MED13L: variants seen among roughly 807,000 people sequenced by gnomAD.
MED13L encodes mediator of RNA polymerase II transcription subunit 13-like.
In MED13L, 7 loss-of-function variants were observed where a neutral mutation model predicts 220.9. The observed-to-expected ratio is 0.03, with a 90% CI of 0.02 to 0.06. The LOEUF is 0.06. MED13L is among the 10% of genes least tolerant of loss of function. The pLI is 1.00. For missense variants in MED13L, 1,965 were observed against 2,760.5 expected (o/e 0.71, Z 6.46); for synonymous variants, 1,011 against 1,015.2 (o/e 1.00, Z 0.08).
intron 2 of MED13L, among the ~76,000 whole-genome samples, chr12:116,178,409 T>C (rs964184930): frequency 1.3e-5 from 2 of 152,190 alleles, no homozygotes; most frequent in Non-Finnish European, 2.9e-5. Context: ...CTTCTTTGAA[T>C]TGAACTGCAA....
chr12:116,260,349 G>A (rs1003777250), intron 1 of MED13L, among the ~76,000 whole-genome samples: 1 of 152,154 alleles, frequency 6.6e-6, no homozygotes, highest in African/African-American at 2.4e-5. Context: ...GTTCTGAAGC[G>A]CATATGTCCA....
chr12:116,249,498 G>GA (rs1871334116), intron 1 of MED13L, among the ~76,000 whole-genome samples: 1 of 151,938 alleles, frequency 6.6e-6, no homozygotes, highest in Non-Finnish European at 1.5e-5. Flanking sequence ...TGGGACTCAT[G>GA]ACTGTAAGAA....
intron 2 of MED13L, among the ~76,000 whole-genome samples, chr12:116,156,460 G>A (rs1485486502): frequency 6.6e-6 from 1 of 150,892 alleles, no homozygotes; most frequent in Non-Finnish European, 1.5e-5. Context: ...TACATCTGAT[G>A]GGGAGGCAGG....
intron 2 of MED13L, among the ~76,000 whole-genome samples, chr12:116,223,784 A>C (rs558900118): frequency 6.2e-4 from 95 of 152,310 alleles, no homozygotes; most frequent in Non-Finnish European, 1.0e-3. Flanking sequence ...GTTAAAAAAG[A>C]ATTCAATGCA....
intron 2 of MED13L, among the ~76,000 whole-genome samples, chr12:116,124,146 G>GAGAGAC (rs1304238127): frequency 4.7e-5 from 7 of 148,170 alleles, no homozygotes; most frequent in African/African-American, 7.5e-5. Flanking sequence ...GAGAGAGAGA[G>GAGAGAC]AGAGACAGAG....
chr12:116,217,109 A>G (rs1331865966), intron 2 of MED13L, among the ~76,000 whole-genome samples: 2 of 152,148 alleles, frequency 1.3e-5, no homozygotes, highest in South Asian at 4.1e-4. Context: ...CCCTAACCCA[A>G]TTGTGCTGGG....
At chr12:116,178,014 C>T (rs946278496) in intron 2 of MED13L, among the ~76,000 whole-genome samples, 2 of 152,032 alleles carry the variant, frequency 1.3e-5, no homozygotes, top group African/African-American at 2.4e-5. Context: ...CATCCCAATA[C>T]CCCGCTTTTT....
intron 9 of MED13L, among the ~76,000 whole-genome samples, chr12:116,009,612 A>G (rs1476228601): frequency 6.6e-6 from 1 of 152,218 alleles, no homozygotes; most frequent in Non-Finnish European, 1.5e-5. Context: ...ACTCTGCCTC[A>G]AAGTGTGGAA....
intron 4 of MED13L, among the ~76,000 whole-genome samples, chr12:116,077,828 C>T (rs763392842): frequency 2.0e-5 from 3 of 152,168 alleles, no homozygotes; most frequent in Non-Finnish European, 4.4e-5. Flanking sequence ...GAAAGGAAAA[C>T]ATTTTTTAGG....
At chr12:116,237,315 A>G (rs578001790) in intron 2 of MED13L, among the ~76,000 whole-genome samples, 153 bp downstream of exon 2, 1 of 152,312 alleles carries the variant, frequency 6.6e-6, no homozygotes, top group South Asian at 2.1e-4. Flanking sequence ...CAGGGATGGG[A>G]GGAAGAGGGG....
chr12:116,136,431 A>T lies in MED13L; in HGVS notation c.311-24919T>A, dbSNP rs148903810. On this transcript the variant is annotated intron_variant, in intron 2 of 30. Transcript: ENST00000281928. ...AATGAGAAGAGAACACAGACCAAAAAATAAGTGTGTATGTGTGTGTGTATG... is the reference window on the plus strand; with the variant it reads ...AATGAGAAGAGAACACAGACCAAAATATAAGTGTGTATGTGTGTGTGTATG... Among the ~76,000 whole-genome samples the T allele has an allele frequency of 5.3e-4, 81 of 152,282 alleles. 1 individual carries two copies. Among genetic ancestry groups the T allele is most frequent in the African/African-American group, 1.9e-3 (78 of 41,544 alleles).
chr12:116,185,655 TTTCTTTTCTTTTCTTTTCTTTTCTTTTC>T (rs1565918127), intron 2 of MED13L, among the ~76,000 whole-genome samples: 1 of 1,118 alleles, frequency 8.9e-4, no homozygotes, highest in Non-Finnish European at 1.9e-3. Flanking sequence ...ATCACATGCT[TTTCTTTTCTTTTCTTTTCTTTTCTTTTC>T]TTTTCTTTTC....
At chr12:116,016,395 T>C (rs1462120178) in intron 7 of MED13L, among the ~76,000 whole-genome samples, 1 of 152,228 alleles carries the variant, frequency 6.6e-6, no homozygotes, top group Non-Finnish European at 1.5e-5. Context: ...ATAAGAAATT[T>C]GAACTTTGCT....
intron 16 of MED13L, among the ~76,000 whole-genome samples, chr12:115,994,712 G>A (rs751790557): frequency 7.9e-5 from 12 of 152,202 alleles, no homozygotes; most frequent in Non-Finnish European, 1.5e-4. Context: ...ATTGGCAACT[G>A]TATGTGCTAA....
At chr12:116,032,771 C>T (rs1466537919) in intron 4 of MED13L, among the ~76,000 whole-genome samples, 4 of 152,148 alleles carry the variant, frequency 2.6e-5, no homozygotes, top group Non-Finnish European at 4.4e-5. Flanking sequence ...AACCACAGTG[C>T]TCAGAGGTTC....
At position 116,022,657 on chromosome 12, in the gene MED13L, G is replaced by C. The variant is rs1056371964; in HGVS notation, c.480-56C>G. 3.2e-6 allele frequency: 5 copies of C among 1,558,828 alleles called. No individual in the cohort carries two copies. In the African/African-American group the frequency reaches 5.4e-5, roughly 17 times the overall value. On this transcript the variant is annotated intron_variant, in intron 4 of 30. Transcript: ENST00000281928. ...TATATTTTGGTAGGAAAGGGTGCTA[G>C]AAACAGGAACTACAGGTAAGATACA...
At position 115,983,390 on chromosome 12, in the gene MED13L, G is replaced by A. The variant is rs766657685; in HGVS notation, c.4682C>T (p.Ala1561Val). 1 of 1,614,206 alleles carries A rather than the reference G, an allele frequency of 6.2e-7. No individual in the cohort carries two copies. Among genetic ancestry groups the A allele is most frequent in the Non-Finnish European group, 8.5e-7 (1 of 1,180,016 alleles). ...NGSAAPPAGSAFNPTSNSSST... is the reference protein window; with the variant it reads ...NGSAAPPAGSVFNPTSNSSST... ...ACTACTATTCGAGGTGGGATTAAATGCACTGCCAGCTGGGGGAGCTGCTGA... is the reference window on the plus strand; with the variant it reads ...ACTACTATTCGAGGTGGGATTAAATACACTGCCAGCTGGGGGAGCTGCTGA... Residue 1561 changes from alanine (A) to valine (V), a missense_variant, in exon 21 of 31, where the codon GCA (alanine) becomes GTA (valine). Transcript: ENST00000281928.
At chr12:116,056,506 C>G (rs1234042763) in intron 4 of MED13L, among the ~76,000 whole-genome samples, 2 of 152,102 alleles carry the variant, frequency 1.3e-5, no homozygotes, top group Non-Finnish European at 1.5e-5. Flanking sequence ...GCTGGGATTA[C>G]AGGCATGAGC....
Position 115,987,096 on chromosome 12 carries a change from A to G in MED13L, c.4114+13T>C. On this transcript the variant is annotated intron_variant, in intron 18 of 30. Coordinates refer to ENST00000281928, the MANE Select transcript of MED13L (RefSeq NM_015335.5). ...GAAGTCAGAAGGAATTTTAAACAGG[A>G]CAAAGACCCTACCGTAGGTTCCCCG... 6.2e-7 allele frequency: 1 copy of G among 1,613,930 alleles called. No homozygotes were observed. Among genetic ancestry groups the G allele is most frequent in the Non-Finnish European group, 8.5e-7 (1 of 1,179,824 alleles).
Sources: allele counts gnomAD v4.1 joint callset (sites outside exome capture counted in the v4.1 genomes callset), GRCh38; gene constraint gnomAD v4.1.1; transcripts MANE v1.5; gene names NCBI Gene and HGNC (gene_info 2026-07-23, HGNC 2026-07-21).